The following ZNF385D variants were observed in gnomAD, a reference collection of about 807,000 sequenced individuals.
ZNF385D encodes the protein zinc finger protein 385D, also known as zinc finger protein 659.
In ZNF385D, 15 loss-of-function variants were observed where a neutral mutation model predicts 35.8. The ratio of observed to expected loss-of-function variants is 0.42; its 90% CI spans 0.28 to 0.64. The LOEUF is 0.64. Ranked by LOEUF, ZNF385D falls within the 30% of genes least tolerant of loss-of-function variation. The probability of loss-of-function intolerance (pLI) is 0.23; values close to 1 mark genes in which losing one functional copy is unlikely to be tolerated. For synonymous variants in ZNF385D, 212 were observed against 186.8 expected, an observed-to-expected ratio of 1.13 and a Z score of -1.10; for missense variants, 474 against 494.6, an observed-to-expected ratio of 0.96 and a Z score of 0.39.
intron 4 of ZNF385D, among the ~76,000 whole-genome samples, chr3:21,454,714 A>G (rs1367523779): frequency 1.3e-5 from 2 of 152,164 alleles, no homozygotes; most frequent in Non-Finnish European, 2.9e-5. Context: ...CTCCTATTCA[A>G]CATAGTGTTG....
chr3:21,984,301 C>A (rs374565821), intron 3 of ZNF385D, among the ~76,000 whole-genome samples: 9 of 144,116 alleles, frequency 6.2e-5, no homozygotes, highest in East Asian at 2.0e-4. Flanking sequence ...GGTTTTAGGT[C>A]TAACGTTTAA....
chr3:21,567,497 G>A (rs945428326), intron 2 of ZNF385D, among the ~76,000 whole-genome samples: 2 of 152,058 alleles, frequency 1.3e-5, no homozygotes, highest in African/African-American at 4.8e-5. Context: ...TGTTCTCTAG[G>A]ATCATTCTAT....
chr3:21,728,085 A>G (rs11129018), intron 1 of ZNF385D, among the ~76,000 whole-genome samples: 102,264 of 151,792 alleles, frequency 0.67, 34,545 homozygotes, highest in East Asian at 0.73. Context: ...GAGTTGAACA[A>G]TGAGAACACA....
intron 2 of ZNF385D, among the ~76,000 whole-genome samples, chr3:22,318,472 G>A (rs1397929174): frequency 6.6e-6 from 1 of 152,086 alleles, no homozygotes; most frequent in East Asian, 1.9e-4. Flanking sequence ...GAAAATTATG[G>A]AGCTGGAGAT....
chr3:21,948,697 G>T (rs953475961), intron 3 of ZNF385D, among the ~76,000 whole-genome samples: 1 of 142,274 alleles, frequency 7.0e-6, no homozygotes, highest in Non-Finnish European at 1.5e-5. Context: ...TTTTCCAATT[G>T]CATGAGACAA....
intron 2 of ZNF385D, among the ~76,000 whole-genome samples, chr3:22,288,398 T>C (rs1702134126): frequency 6.6e-6 from 1 of 151,852 alleles, no homozygotes; most frequent in Non-Finnish European, 1.5e-5. Context: ...CACTTGACCG[T>C]TTCCCATAAT....
intron 2 of ZNF385D, among the ~76,000 whole-genome samples, chr3:22,220,113 G>C (rs983921294): frequency 6.7e-6 from 1 of 149,982 alleles, no homozygotes; most frequent in Admixed American, 6.7e-5. Flanking sequence ...ATTCAGGCTG[G>C]ATTGCAGTGG....
At chr3:21,882,238 C>A (rs565877424) in intron 3 of ZNF385D, among the ~76,000 whole-genome samples, 53 of 152,030 alleles carry the variant, frequency 3.5e-4, no homozygotes, top group African/African-American at 1.2e-3. Flanking sequence ...ATGCAGTAAA[C>A]ATCTTTGTCT....
intron 2 of ZNF385D, among the ~76,000 whole-genome samples, chr3:22,329,026 G>A (rs148410242): frequency 0.033 from 4,618 of 140,054 alleles, 176 homozygotes; most frequent in African/African-American, 0.091. Flanking sequence ...GCAGTGAGCC[G>A]AGATCGCGCC....
chr3:21,842,745 C>A (rs1338675382), intron 3 of ZNF385D, among the ~76,000 whole-genome samples: 1 of 152,026 alleles, frequency 6.6e-6, no homozygotes, highest in South Asian at 2.1e-4. Context: ...TAGAGAAGTA[C>A]AATACTTTCA....
intron 4 of ZNF385D, among the ~76,000 whole-genome samples, chr3:21,454,773 C>G (rs1204360169): frequency 1.3e-5 from 2 of 152,074 alleles, no homozygotes; most frequent in African/African-American, 2.4e-5. Flanking sequence ...AAAGGGTATT[C>G]AATTATGAAA....
At chr3:22,136,748 T>C (rs1430873266) in intron 3 of ZNF385D, among the ~76,000 whole-genome samples, 3 of 152,126 alleles carry the variant, frequency 2.0e-5, no homozygotes, top group Non-Finnish European at 4.4e-5. Context: ...TGAAATATTA[T>C]TCAGTGATAA....
intron 2 of ZNF385D, among the ~76,000 whole-genome samples, chr3:22,357,922 T>G (rs914592528): frequency 2.0e-5 from 3 of 152,022 alleles, no homozygotes; most frequent in Middle Eastern, 3.4e-3. Flanking sequence ...CAAGAAATAT[T>G]AGGAAACAGA....
At chr3:21,590,666 C>G (rs1296892643) in intron 2 of ZNF385D, among the ~76,000 whole-genome samples, 1 of 152,010 alleles carries the variant, frequency 6.6e-6, no homozygotes, top group African/African-American at 2.4e-5. Context: ...AGTGTTCTTT[C>G]TTTTTTTCTT....
At chr3:21,675,389 G>A (rs1281429304) in intron 1 of ZNF385D, among the ~76,000 whole-genome samples, 1 of 151,976 alleles carries the variant, frequency 6.6e-6, no homozygotes, top group Admixed American at 6.6e-5. Context: ...ACTGTACTGG[G>A]TCCTCTGTAG....
chr3:22,197,709 T>C (rs1486583952), intron 2 of ZNF385D, among the ~76,000 whole-genome samples: 1 of 152,122 alleles, frequency 6.6e-6, no homozygotes, highest in African/African-American at 2.4e-5. Context: ...CTGCTTATAA[T>C]AGCAGCTTCC....
At chr3:21,850,310 A>T (rs1217452335) in intron 3 of ZNF385D, among the ~76,000 whole-genome samples, 2 of 152,108 alleles carry the variant, frequency 1.3e-5, no homozygotes, top group African/African-American at 4.8e-5. Context: ...ATATGGGATT[A>T]TGATCCCTGA....
At chr3:22,180,210 C>A (rs1342732438) in intron 2 of ZNF385D, among the ~76,000 whole-genome samples, 3 of 152,220 alleles carry the variant, frequency 2.0e-5, no homozygotes, top group Admixed American at 1.3e-4. Context: ...TTCCTCGACA[C>A]ATACACCCTC....
At chr3:22,252,317 T>C (rs564012550) in intron 2 of ZNF385D, among the ~76,000 whole-genome samples, 82 of 152,138 alleles carry the variant, frequency 5.4e-4, no homozygotes, top group African/African-American at 8.7e-4. Flanking sequence ...GATTTAAACA[T>C]TGTTTTGATG....
Sources: gnomAD v4.1 joint callset for allele counts (sites outside exome capture counted in the v4.1 genomes callset) on GRCh38, gnomAD v4.1.1 for gene constraint, MANE v1.5 for transcripts, NCBI Gene and HGNC (gene_info 2026-07-23, HGNC 2026-07-21) for gene names.